VPS37C: variants seen among roughly 807,000 people sequenced by gnomAD.
VPS37C encodes VPS37C subunit of ESCRT-I.
VPS37C carries 9 observed loss-of-function variants against 16.1 expected under a neutral mutation model. The observed-to-expected ratio is 0.56, with a 90% CI of 0.34 to 0.97. VPS37C has a LOEUF of 0.97. VPS37C is among the 50% of genes least tolerant of loss of function. The pLI is 0.02. For synonymous variants in VPS37C, 207 were observed against 206.4 expected (o/e 1.00, Z -0.02); for missense variants, 479 against 472.7 (o/e 1.01, Z -0.12).
Position 61,132,356 on chromosome 11 carries a change from G to A in VPS37C, c.532C>T (p.Pro178Ser), listed in dbSNP as rs757821185. 8 of 1,601,216 alleles carry A rather than the reference G, an allele frequency of 5.0e-6. No homozygotes were observed. The South Asian group carries it at 8.9e-5, about 18-fold the overall frequency. ...GTTCCCTGGGGGACTGGGCGCACCG[G>A]GGGTGGTGGACGGGGTGGAGGGGCA... ...GDAPPPRPPP[P>S]VRPVPQGTPP... Residue 178 changes from proline (P) to serine (S), a missense_variant, in exon 5 of 5, where the codon CCG becomes TCG. Transcript: ENST00000301765.
In VPS37C at chr11:61,131,820, C is replaced by CT. The variant is rs761193749; in HGVS notation, c.1067dup (p.Ter356=). The change falls in exon 5 of 5, where the codon TAG becomes TAAG. Residue 356 remains the stop codon, a frameshift_variant and stop_retained_variant. Transcript: ENST00000301765. LOFTEE classifies it high-confidence loss of function. ...PPPGPAWPGY[*] ...GAGGGGCCGAGGGCCAGGAGTGTGTCTAATACCCAGGCCAGGCAGGCCCCG... is the reference window on the plus strand; with the variant it reads ...GAGGGGCCGAGGGCCAGGAGTGTGTCTTAATACCCAGGCCAGGCAGGCCCCG... 158 of 1,259,758 alleles carry CT rather than the reference C, an allele frequency of 1.3e-4. No individual in the cohort carries two copies. The East Asian group carries it at 1.9e-3, about 15-fold the overall frequency. 78.0% of individuals were successfully genotyped at this position (1,259,758 alleles called of 1,614,324 possible). A position where few individuals can be genotyped will look rare whatever the true frequency, so the allele number is the denominator to read the frequency against.
intron 1 of VPS37C, among the ~76,000 whole-genome samples, chr11:61,146,099 G>T (rs1353007121): frequency 6.6e-6 from 1 of 152,246 alleles, no homozygotes; most frequent in Non-Finnish European, 1.5e-5. Context: ...CCCAAAAAGT[G>T]ATGGAGACAG....
chr11:61,138,592 C>T (rs1861421298), intron 2 of VPS37C, 145 bp downstream of exon 2: 2 of 709,222 alleles, frequency 2.8e-6, no homozygotes, highest in Non-Finnish European at 4.7e-6. Flanking sequence ...CTCAGGGATT[C>T]CTCTGAGTCC....
intron 1 of VPS37C, among the ~76,000 whole-genome samples, chr11:61,142,440 T>C (rs1861488309): frequency 6.6e-6 from 1 of 152,100 alleles, no homozygotes; most frequent in Non-Finnish European, 1.5e-5. Flanking sequence ...CACTATTTGA[T>C]CCAGGTTGGT....
At chr11:61,155,023 G>A (rs900522378) in intron 1 of VPS37C, among the ~76,000 whole-genome samples, 6 of 151,354 alleles carry the variant, frequency 4.0e-5, no homozygotes, top group East Asian at 1.9e-4. Flanking sequence ...AGGATCCCTC[G>A]AGCCCAGAAG....
intron 2 of VPS37C, among the ~76,000 whole-genome samples, chr11:61,135,025 G>A (rs1861341269): frequency 1.3e-5 from 2 of 152,246 alleles, no homozygotes; most frequent in African/African-American, 2.4e-5. Flanking sequence ...AGCAGTGACA[G>A]TACACTGTCA....
At position 61,156,601 on chromosome 11, in the gene VPS37C, A is replaced by G. The variant is rs551857109; in HGVS notation, c.-7+4790T>C. Among the ~76,000 whole-genome samples the G allele has an allele frequency of 7.2e-5, 11 of 152,300 alleles. No homozygotes were observed. The East Asian group carries it at 1.9e-3, about 27-fold the overall frequency. ...CTCTGTCTCAAAAAAAAACAAAAAC[A>G]AAAACACCACCCATCTATATGCTGC... On this transcript the variant is annotated intron_variant, in intron 1 of 4. Coordinates refer to ENST00000301765, the MANE Select transcript of VPS37C (RefSeq NM_017966.5).
intron 1 of VPS37C, among the ~76,000 whole-genome samples, chr11:61,151,757 A>T (rs578734): frequency 6.6e-6 from 1 of 152,020 alleles, no homozygotes; most frequent in African/African-American, 2.4e-5. Context: ...ACAGAGGAAC[A>T]TAACTCCAAA....
At chr11:61,154,645 G>C (rs575714569) in intron 1 of VPS37C, among the ~76,000 whole-genome samples, 4 of 151,652 alleles carry the variant, frequency 2.6e-5, no homozygotes, top group Non-Finnish European at 5.9e-5. Flanking sequence ...AAGAGAAAAG[G>C]GAATAAAAAA....
At chr11:61,145,100 A>G (rs1339545037) in intron 1 of VPS37C, 1 of 152,236 alleles carries the variant, frequency 6.6e-6, no homozygotes, top group Non-Finnish European at 1.5e-5. Context: ...AACAATAAAT[A>G]AAGAGATCAA....
intron 1 of VPS37C, among the ~76,000 whole-genome samples, chr11:61,155,122 G>A (rs978096278): frequency 2.7e-5 from 4 of 148,558 alleles, no homozygotes; most frequent in Admixed American, 6.7e-5. Flanking sequence ...AAAAAAAGGC[G>A]GGGGGACAGG....
intron 2 of VPS37C, among the ~76,000 whole-genome samples, chr11:61,137,109 A>G (rs941248782): frequency 2.0e-5 from 3 of 152,100 alleles, no homozygotes; most frequent in Admixed American, 2.0e-4. Flanking sequence ...TCTGGCCCCC[A>G]ACCCAAAGCA....
chr11:61,134,285 G>A lies in VPS37C; in HGVS notation c.94-78C>T, dbSNP rs115390464. On this transcript the variant is annotated intron_variant, in intron 2 of 4. Coordinates refer to ENST00000301765, the MANE Select transcript of VPS37C (RefSeq NM_017966.5). The stretch of plus-strand genomic sequence containing the variant: ...CCTGGCAGCCTGGGTCAGGGGCTTC[G>A]GGGACACATTGCTCACCTTGGGGCG... The A allele has an allele frequency of 4.1e-4, 611 of 1,494,912 alleles. 7 individuals carry two copies. The African/African-American group carries it at 6.7e-3, about 16-fold the overall frequency. The allele number at this position is 1,494,912 out of a possible 1,614,324, so 92.6% of individuals were successfully genotyped here.
At chr11:61,140,208 C>A (rs1480191396) in intron 1 of VPS37C, among the ~76,000 whole-genome samples, 1 of 152,148 alleles carries the variant, frequency 6.6e-6, no homozygotes, top group Admixed American at 6.5e-5. Flanking sequence ...GAATCAAGGA[C>A]CAAGGTTATA....
chr11:61,160,610 T>A (rs753270367), intron 1 of VPS37C, among the ~76,000 whole-genome samples: 14 of 152,162 alleles, frequency 9.2e-5, no homozygotes, highest in Non-Finnish European at 1.6e-4. Flanking sequence ...AGACAAGGTG[T>A]AGCTGGGAAA....
intron 1 of VPS37C, among the ~76,000 whole-genome samples, chr11:61,141,967 G>A (rs756717757): frequency 6.6e-5 from 10 of 152,224 alleles, no homozygotes; most frequent in African/African-American, 1.2e-4. Flanking sequence ...TCTCATACAC[G>A]GAGGTCTCCA....
chr11:61,131,837 C>A lies in VPS37C; in HGVS notation c.1051G>T (p.Ala351Ser). ...PYGFPPPPGP[A>S]WPGY ...GAGTGTGTCTAATACCCAGGCCAGG[C>A]AGGCCCCGGCGGTGGTGGGAACCCA... The change falls in exon 5 of 5, where the codon GCC becomes TCC. Residue 351 changes from alanine (A) to serine (S), a missense_variant. By Grantham distance (99) the Ala-to-Ser change is moderately conservative. Coordinates refer to ENST00000301765, the MANE Select transcript of VPS37C (RefSeq NM_017966.5). 4 of 1,258,742 alleles carry A rather than the reference C, an allele frequency of 3.2e-6. No individual in the cohort carries two copies. The highest frequency in any genetic ancestry group is 3.8e-5 in the South Asian group (1 of 26,556). The allele number at this position is 1,258,742 out of a possible 1,614,324, so 78.0% of individuals were successfully genotyped here.
At chr11:61,153,870 C>G (rs1853342361) in intron 1 of VPS37C, among the ~76,000 whole-genome samples, 2 of 152,152 alleles carry the variant, frequency 1.3e-5, no homozygotes, top group Admixed American at 1.3e-4. Flanking sequence ...CTGATCTATA[C>G]CAGTCCAAGG....
chr11:61,137,445 T>A (rs917158541), intron 2 of VPS37C, among the ~76,000 whole-genome samples: 2 of 152,220 alleles, frequency 1.3e-5, no homozygotes, highest in Non-Finnish European at 2.9e-5. Context: ...TCTGCTCACA[T>A]TTTCCATGAT....
Sources: gnomAD v4.1 joint callset for allele counts (sites outside exome capture counted in the v4.1 genomes callset) on GRCh38, gnomAD v4.1.1 for gene constraint, MANE v1.5 for transcripts, NCBI Gene and HGNC (gene_info 2026-07-23, HGNC 2026-07-21) for gene names.